The following RYR2 variants were observed in gnomAD, a reference collection of about 807,000 sequenced individuals.
RYR2 encodes the protein cardiac muscle ryanodine receptor-calcium release channel.
Under a neutral mutation model 601.1 loss-of-function variants are expected in RYR2, and 227 were observed. The observed-to-expected ratio is 0.38, with a 90% CI of 0.34 to 0.42. RYR2 has a LOEUF of 0.42. Ranked by LOEUF, RYR2 falls within the 10% of genes least tolerant of loss-of-function variation. The pLI, the probability that RYR2 is intolerant of heterozygous loss-of-function variation, is 1.00. For missense variants in RYR2, 4,646 were observed against 6,156.5 expected (o/e 0.75, Z 8.21); for synonymous variants, 2,223 against 2,175.1 (o/e 1.02, Z -0.61).
intron 25 of RYR2, among the ~76,000 whole-genome samples, chr1:237,546,569 TGG>T (rs751735154): frequency 6.6e-6 from 1 of 151,992 alleles, no homozygotes; most frequent in Non-Finnish European, 1.5e-5. Context: ...TTAGTAGAGA[TGG>T]GGTTTTGCCA....
In RYR2 at chr1:237,591,825, A is replaced by T; in HGVS notation, c.4247A>T (p.Asp1416Val). The change falls in exon 32 of 105, where the codon GAC (aspartate) becomes GTC (valine). Residue 1416 changes from aspartate (D) to valine (V), a missense_variant. Physicochemically the swap from Asp to Val is radical, Grantham distance 152. Transcript: ENST00000366574. The stretch of plus-strand genomic sequence containing the variant: ...GATGTCCTTGCTGATGATCGGGATG[A>T]CTATGATTTCTTGATGCAAACGTCC... ...TEDVLADDRD[D>V]YDFLMQTSTY... The T allele has an allele frequency of 6.2e-7, 1 of 1,613,370 alleles. No homozygotes were observed. The highest frequency in any genetic ancestry group is 8.5e-7 in the Non-Finnish European group (1 of 1,179,680).
In RYR2 at chr1:237,717,006, G is replaced by A. The variant is rs555316982; in HGVS notation, c.10324-192G>A. Among the ~76,000 whole-genome samples, 166 of 152,238 alleles carry A rather than the reference G, an allele frequency of 1.1e-3. 1 individual carries two copies. The highest frequency in any genetic ancestry group is 3.8e-3 in the African/African-American group (158 of 41,548). Reference sequence around the variant, plus strand: ...GTGAATTATAATGACCTAGGAATCTGAGGGTAGGACTTGAAATCAGCAAAA... The same window carrying A: ...GTGAATTATAATGACCTAGGAATCTAAGGGTAGGACTTGAAATCAGCAAAA... On this transcript the variant is annotated intron_variant, in intron 71 of 104. Transcript: ENST00000366574.
intron 12 of RYR2, among the ~76,000 whole-genome samples, chr1:237,423,576 G>A (rs368850111): frequency 1.3e-3 from 205 of 152,036 alleles, no homozygotes; most frequent in South Asian, 7.5e-3. Flanking sequence ...CCTATTATAC[G>A]TCATCAAATG....
intron 68 of RYR2, among the ~76,000 whole-genome samples, chr1:237,707,734 T>C (rs1188904046): frequency 6.6e-6 from 1 of 152,124 alleles, no homozygotes; most frequent in Non-Finnish European, 1.5e-5. Context: ...ATAAGTTGTA[T>C]ACATCTACAT....
At chr1:237,375,740 C>G (rs1471384969) in intron 7 of RYR2, among the ~76,000 whole-genome samples, 2 of 152,090 alleles carry the variant, frequency 1.3e-5, no homozygotes, top group Non-Finnish European at 2.9e-5. Flanking sequence ...TCTATCATTC[C>G]TCTGTATTTT....
At chr1:237,174,648 C>A (rs761020384) in intron 1 of RYR2, among the ~76,000 whole-genome samples, 1 of 152,110 alleles carries the variant, frequency 6.6e-6, no homozygotes, top group Non-Finnish European at 1.5e-5. Flanking sequence ...CTGAGATTTG[C>A]CAATCTCATG....
At chr1:237,481,111 T>TATATATATGTGTAA (rs1662026619) in intron 17 of RYR2, among the ~76,000 whole-genome samples, 1 of 118,434 alleles carries the variant, frequency 8.4e-6, no homozygotes, top group Non-Finnish European at 1.6e-5. Context: ...TATATACATA[T>TATATATATGTGTAA]ATATATATAT....
intron 101 of RYR2, among the ~76,000 whole-genome samples, chr1:237,825,219 C>T (rs1337494357): frequency 6.6e-6 from 1 of 152,138 alleles, no homozygotes; most frequent in East Asian, 1.9e-4. Flanking sequence ...CAATCCTAAG[C>T]AGAAAGAACA....
At chr1:237,745,132 T>C (rs1691964430) in intron 80 of RYR2, among the ~76,000 whole-genome samples, 3 of 152,076 alleles carry the variant, frequency 2.0e-5, no homozygotes, top group Admixed American at 2.0e-4. Flanking sequence ...ACTGTTATAG[T>C]TGGAGGAATA....
intron 2 of RYR2, among the ~76,000 whole-genome samples, chr1:237,279,151 A>G (rs1320438892): frequency 6.6e-6 from 1 of 152,252 alleles, no homozygotes; most frequent in Non-Finnish European, 1.5e-5. Flanking sequence ...TGTTTAAACA[A>G]TGATCATAAG....
intron 84 of RYR2, among the ~76,000 whole-genome samples, chr1:237,762,461 G>T (rs1473544944): frequency 1.3e-5 from 2 of 152,194 alleles, no homozygotes; most frequent in African/African-American, 4.8e-5. Context: ...CTTGGAATTA[G>T]AAATCAATTT....
At chr1:237,097,731 T>G (rs1191966810) in intron 1 of RYR2, among the ~76,000 whole-genome samples, 1 of 152,180 alleles carries the variant, frequency 6.6e-6, no homozygotes, top group Non-Finnish European at 1.5e-5. Flanking sequence ...TTTATGTTTT[T>G]AAACCAAGTA....
intron 14 of RYR2, among the ~76,000 whole-genome samples, chr1:237,452,099 GTGTGTGTA>G (rs1473032317): frequency 3.5e-4 from 39 of 111,966 alleles, no homozygotes; most frequent in Admixed American, 1.0e-3. Flanking sequence ...GTGTGTGTGT[GTGTGTGTA>G]TGTGTGTGTA....
chr1:237,675,019 A>T (rs1409955363), intron 60 of RYR2, among the ~76,000 whole-genome samples, 173 bp downstream of exon 60: 1 of 152,120 alleles, frequency 6.6e-6, no homozygotes, highest in Non-Finnish European at 1.5e-5. Flanking sequence ...GTTCTTGGGG[A>T]GTGGGTAAAA....
rs189895620 is a variant in RYR2, at chr1:237,714,606, G to A, written c.10324-2592G>A. Among the ~76,000 whole-genome samples, 3 of 152,226 alleles carry A rather than the reference G, an allele frequency of 2.0e-5. No homozygotes were observed. The East Asian group carries it at 5.8e-4, about 29-fold the overall frequency. Reference sequence around the variant, plus strand: ...ATTTAAAGCTATTTTCTGTGAAATTGTTACAATCATATTTGTATGTTTGTG... The same window carrying A: ...ATTTAAAGCTATTTTCTGTGAAATTATTACAATCATATTTGTATGTTTGTG... On this transcript the variant is annotated intron_variant, in intron 71 of 104. Transcript: ENST00000366574.
chr1:237,654,364 C>A lies in RYR2; in HGVS notation c.7915C>A (p.His2639Asn). The A allele has an allele frequency of 1.2e-6, 2 of 1,613,900 alleles. No individual in the cohort carries two copies. Among genetic ancestry groups the A allele is most frequent in the South Asian group, 1.1e-5 (1 of 91,082 alleles). ...NFGAASEEEL[H>N]LSRKLFWGIF... The stretch of plus-strand genomic sequence containing the variant: ...TGGTGCTGCCTCAGAAGAAGAACTT[C>A]ATTTATCAAGAAAGTTGTTCTGGGG... Residue 2639 changes from histidine to asparagine, a missense_variant, in exon 52 of 105, where the codon CAT becomes AAT. Coordinates refer to ENST00000366574, the MANE Select transcript of RYR2 (RefSeq NM_001035.3).
intron 1 of RYR2, among the ~76,000 whole-genome samples, chr1:237,234,593 A>G (rs1685351255): frequency 6.6e-6 from 1 of 152,226 alleles, no homozygotes; most frequent in African/African-American, 2.4e-5. Context: ...AATGAGTTAA[A>G]ATATGTAAAT....
At chr1:237,392,404 A>T (rs1286443668) in intron 10 of RYR2, among the ~76,000 whole-genome samples, 2 of 151,872 alleles carry the variant, frequency 1.3e-5, no homozygotes, top group African/African-American at 4.9e-5. Context: ...TATGCATAGT[A>T]TGCCTGAATC....
chr1:237,552,357 T>C (rs61832580), intron 27 of RYR2, among the ~76,000 whole-genome samples: 43,041 of 151,966 alleles, frequency 0.28, 6,251 homozygotes, highest in South Asian at 0.38. Context: ...TAAATTGAAA[T>C]AGAAATTGTT....
Sources: gnomAD v4.1 joint callset for allele counts (sites outside exome capture counted in the v4.1 genomes callset) on GRCh38, gnomAD v4.1.1 for gene constraint, MANE v1.5 for transcripts, NCBI Gene and HGNC (gene_info 2026-07-23, HGNC 2026-07-21) for gene names.